Variants in NEMP2 observed in about 807,000 individuals in gnomAD.
NEMP2 encodes nuclear envelope integral membrane protein 2, also known as UPF0571 transmembrane protein.
In NEMP2, 53 loss-of-function variants were observed where a neutral mutation model predicts 54.2. That is an observed-to-expected ratio of 0.98 (90% CI 0.78 to 1.23). The LOEUF (loss-of-function observed/expected upper bound fraction) is 1.23. Ranked by LOEUF, NEMP2 falls within the 50% of genes most tolerant of loss-of-function variation. The pLI is 0.00. For missense variants in NEMP2, 455 were observed against 511.3 expected, an observed-to-expected ratio of 0.89 and a Z score of 1.06; for synonymous variants, 197 against 190.3, an observed-to-expected ratio of 1.04 and a Z score of -0.29.
chr2:190,488,639 G>GCTCTTCTTC, the NEMP2 span: 2 of 1,480,472 alleles, frequency 1.4e-6, no homozygotes, highest in African/African-American at 2.9e-5. The surrounding 1 kb of genome is among the most constrained non-coding windows in gnomAD (Gnocchi z 6.4). Flanking sequence ...AATCCCTCCT[G>GCTCTTCTTC]CTCTTCTTCC....
At chr2:190,566,749 AAAAG>A in the NEMP2 span, among the ~76,000 whole-genome samples, 1,754 of 151,702 alleles carry the variant, frequency 0.012, 104 homozygotes, top group East Asian at 0.19. Context: ...AAAAGAAAAA[AAAAG>A]AAAGGAAGGA....
At chr2:190,497,568 C>T in the NEMP2 span, 1 of 1,614,192 alleles carries the variant, frequency 6.2e-7, no homozygotes, top group Non-Finnish European at 8.5e-7. The surrounding 1 kb of genome is among the most constrained non-coding windows in gnomAD (Gnocchi z 5.2). Flanking sequence ...CCCAAGAAAA[C>T]TAAGCACCAG....
rs1396995456 is a variant in NEMP2 at position 190,529,379 on chromosome 2, T to A, written c.98-4001A>T. Among the ~76,000 whole-genome samples the A allele has an allele frequency of 6.6e-6, 1 of 152,118 alleles. No individual in the cohort carries two copies. The highest frequency in any genetic ancestry group is 1.5e-5 in the Non-Finnish European group (1 of 68,022). The stretch of plus-strand genomic sequence containing the variant: ...ACAGCTGGCCTTCCTGTCCTCAAGA[T>A]GCCAGCGAGCCCCCACATAAAGTTT... On this transcript the variant is annotated intron_variant, in intron 1 of 8. Coordinates refer to ENST00000409150, the MANE Select transcript of NEMP2 (RefSeq NM_001142645.2). This position sits in a 1 kb window ranked among gnomAD's most constrained non-coding sequence, Gnocchi z 4.7.
chr2:190,434,196 G>A, the NEMP2 span, among the ~76,000 whole-genome samples: 880 of 131,580 alleles, frequency 6.7e-3, 7 homozygotes, highest in East Asian at 0.017. This position sits in a 1 kb window ranked among gnomAD's most constrained non-coding sequence, Gnocchi z 4.3. Flanking sequence ...AAAAAAAAAA[G>A]AAAAAAAAGA....
chr2:190,422,746 A>G, the NEMP2 span, among the ~76,000 whole-genome samples: 2 of 152,054 alleles, frequency 1.3e-5, no homozygotes, highest in African/African-American at 4.8e-5. Flanking sequence ...CTTATCTTTC[A>G]GTTTTGAGGC....
chr2:190,449,650 T>A, the NEMP2 span, among the ~76,000 whole-genome samples: 1 of 140,384 alleles, frequency 7.1e-6, no homozygotes, highest in East Asian at 2.0e-4. Context: ...ATTAAGAAAA[T>A]GTAGCACATA....
chr2:190,494,515 C>G, the NEMP2 span, among the ~76,000 whole-genome samples: 1 of 152,124 alleles, frequency 6.6e-6, no homozygotes, highest in Admixed American at 6.5e-5. This position sits in a 1 kb window ranked among gnomAD's most constrained non-coding sequence, Gnocchi z 5.7. Flanking sequence ...CAGTATCACC[C>G]TAATAACAAA....
the NEMP2 span, among the ~76,000 whole-genome samples, chr2:190,578,283 G>C: frequency 6.6e-6 from 1 of 151,818 alleles, no homozygotes; most frequent in Non-Finnish European, 1.5e-5. The surrounding 1 kb of genome is among the most constrained non-coding windows in gnomAD (Gnocchi z 4.4). Context: ...AATTTAAGGA[G>C]GGAAAACAAG....
chr2:190,539,786 T>C, the NEMP2 span, among the ~76,000 whole-genome samples: 1 of 152,222 alleles, frequency 6.6e-6, no homozygotes, highest in African/African-American at 2.4e-5. The surrounding 1 kb of genome is among the most constrained non-coding windows in gnomAD (Gnocchi z 4.1). Context: ...GCAACTTTAC[T>C]GAATTCATTT....
the NEMP2 span, among the ~76,000 whole-genome samples, chr2:190,445,457 C>CACAAA: frequency 4.9e-5 from 7 of 143,786 alleles, no homozygotes; most frequent in Admixed American, 2.8e-4. Flanking sequence ...GCCCCAATCA[C>CACAAA]AAAAAAAAAA....
At chr2:190,644,124 C>T in the NEMP2 span, among the ~76,000 whole-genome samples, 2 of 151,638 alleles carry the variant, frequency 1.3e-5, no homozygotes, top group African/African-American at 4.8e-5. The surrounding 1 kb of genome is among the most constrained non-coding windows in gnomAD (Gnocchi z 4.4). Flanking sequence ...TAGCTATATA[C>T]TGAGGCCTGC....
At chr2:190,627,680 C>A in the NEMP2 span, among the ~76,000 whole-genome samples, 1 of 151,228 alleles carries the variant, frequency 6.6e-6, no homozygotes, top group Admixed American at 6.6e-5. The surrounding 1 kb of genome is among the most constrained non-coding windows in gnomAD (Gnocchi z 4.4). Context: ...CTTTTTATTG[C>A]CAATATTCCT....
the NEMP2 span, among the ~76,000 whole-genome samples, chr2:190,438,551 T>C: frequency 1.3e-5 from 2 of 152,206 alleles, no homozygotes; most frequent in Non-Finnish European, 2.9e-5. This position sits in a 1 kb window ranked among gnomAD's most constrained non-coding sequence, Gnocchi z 5.2. Flanking sequence ...CTAGTGTTTC[T>C]TGTTGTGTAC....
rs1396470019 is a variant in NEMP2, at chr2:190,514,743, C to A, written c.728-65G>T. On this transcript the variant is annotated intron_variant, in intron 6 of 8. Transcript: ENST00000409150. The surrounding 1 kb of genome is among the most constrained non-coding windows in gnomAD (Gnocchi z 5.7). ...TTGAGACATTATGTGAAAAACCTGGCAGAGCCTTGACTTAAAGGTAAAAAC... is the reference window on the plus strand; with the variant it reads ...TTGAGACATTATGTGAAAAACCTGGAAGAGCCTTGACTTAAAGGTAAAAAC... 28 of 1,446,370 alleles carry A rather than the reference C, an allele frequency of 1.9e-5. No individual in the cohort carries two copies. The Admixed American group carries it at 5.5e-4, about 28-fold the overall frequency. The allele number at this position is 1,446,370 out of a possible 1,614,324, so 89.6% of individuals were successfully genotyped here.
At chr2:190,427,300 C>T in the NEMP2 span, among the ~76,000 whole-genome samples, 1 of 152,302 alleles carries the variant, frequency 6.6e-6, no homozygotes, top group African/African-American at 2.4e-5. Flanking sequence ...TGGGGGTTCC[C>T]CATTATAGCT....
the NEMP2 span, among the ~76,000 whole-genome samples, chr2:190,599,249 T>A: frequency 1.3e-5 from 2 of 152,204 alleles, no homozygotes; most frequent in Admixed American, 1.3e-4. Flanking sequence ...TGTACAAAAC[T>A]ACACATCTAG....
At chr2:190,427,640 A>C in the NEMP2 span, among the ~76,000 whole-genome samples, 1 of 151,580 alleles carries the variant, frequency 6.6e-6, no homozygotes, top group South Asian at 2.1e-4. Flanking sequence ...TACTTTATAT[A>C]TTATTGTCTA....
chr2:190,644,672 C>T, the NEMP2 span, among the ~76,000 whole-genome samples: 20 of 152,064 alleles, frequency 1.3e-4, no homozygotes, highest in African/African-American at 4.6e-4. This position sits in a 1 kb window ranked among gnomAD's most constrained non-coding sequence, Gnocchi z 4.4. Flanking sequence ...CATGCTCTCA[C>T]TTACAAGTGG....
the NEMP2 span, among the ~76,000 whole-genome samples, chr2:190,479,701 A>G: frequency 6.6e-6 from 1 of 152,144 alleles, no homozygotes; most frequent in African/African-American, 2.4e-5. Flanking sequence ...ATCTGATGAG[A>G]GTAAAACTCA....
Sources: gnomAD v4.1 joint callset for allele counts (sites outside exome capture counted in the v4.1 genomes callset) on GRCh38, gnomAD v4.1.1 for gene constraint, Gnocchi (gnomAD v3.1) non-coding constraint, MANE v1.5 for transcripts, NCBI Gene and HGNC (gene_info 2026-07-23, HGNC 2026-07-21) for gene names.